NBEA: variants seen among roughly 807,000 people sequenced by gnomAD.
The protein encoded by NBEA is lysosomal-trafficking regulator 2.
A neutral mutation model predicts 343.4 loss-of-function variants in NBEA; 44 were observed. The ratio of observed to expected loss-of-function variants is 0.13; its 90% CI spans 0.10 to 0.16. The LOEUF is 0.16. Among genes scored for constraint, NBEA ranks in the 10% least tolerant of loss-of-function variants. The pLI is 1.00. For synonymous variants in NBEA, 1,175 were observed against 1,238.7 expected (o/e 0.95, Z 1.08); for missense variants, 2,555 against 3,631.3 (o/e 0.70, Z 7.62).
At chr13:35,488,905 A>G (rs1409730740) in intron 41 of NBEA, among the ~76,000 whole-genome samples, 1 of 151,882 alleles carries the variant, frequency 6.6e-6, no homozygotes, top group Non-Finnish European at 1.5e-5. Flanking sequence ...GAATTCTCAA[A>G]ACACATTTGA....
At chr13:35,573,484 GTGTT>G (rs1330674275) in intron 45 of NBEA, among the ~76,000 whole-genome samples, 1 of 152,170 alleles carries the variant, frequency 6.6e-6, no homozygotes, top group Non-Finnish European at 1.5e-5. Context: ...AAGTGTTTTT[GTGTT>G]TGTTTGTTTA....
At chr13:35,029,411 A>G (rs1056886332) in intron 1 of NBEA, among the ~76,000 whole-genome samples, 6 of 151,568 alleles carry the variant, frequency 4.0e-5, no homozygotes, top group Non-Finnish European at 8.9e-5. Context: ...GGAACCCTGT[A>G]TCATGCATAG....
chr13:35,409,698 G>A (rs2043474557), intron 38 of NBEA, among the ~76,000 whole-genome samples: 2 of 152,044 alleles, frequency 1.3e-5, no homozygotes, highest in South Asian at 4.1e-4. Flanking sequence ...GTGATGCCAA[G>A]AAGTAAAATA....
intron 46 of NBEA, among the ~76,000 whole-genome samples, chr13:35,590,686 A>G (rs534814078): frequency 9.2e-5 from 14 of 152,094 alleles, no homozygotes; most frequent in Non-Finnish European, 1.9e-4. Context: ...TAATAGGTTA[A>G]AAAACCTAGA....
intron 17 of NBEA, among the ~76,000 whole-genome samples, chr13:35,124,809 T>C (rs1480199483): frequency 4.0e-5 from 6 of 151,086 alleles, no homozygotes; most frequent in East Asian, 1.9e-4. Flanking sequence ...TGGATATATA[T>C]ACACACACAT....
Position 34,942,395 on chromosome 13 carries a change from T to G in NBEA, c.-426T>G, listed in dbSNP as rs909703550. The G allele has an allele frequency of 2.6e-5, 4 of 154,538 alleles. No individual in the cohort carries two copies. Among genetic ancestry groups the G allele is most frequent in the Non-Finnish European group, 4.3e-5 (3 of 69,148 alleles). The allele number at this position is 154,538 out of a possible 1,614,324, so 9.6% of individuals were successfully genotyped here. ...AGCGTCAATAGCATCGGCCACAGCC[T>G]GAGCTTCAGCACCGGCCAGCGTCGT... On this transcript the variant is annotated 5_prime_UTR_variant, in exon 1 of 59. Transcript: ENST00000379939.
At chr13:35,212,182 T>C (rs1435987307) in intron 33 of NBEA, among the ~76,000 whole-genome samples, 1 of 152,196 alleles carries the variant, frequency 6.6e-6, no homozygotes, top group African/African-American at 2.4e-5. Flanking sequence ...GTTCTTGCTT[T>C]TCTTCCAATT....
At chr13:35,589,719 T>A (rs1399402212) in intron 46 of NBEA, among the ~76,000 whole-genome samples, 1 of 152,096 alleles carries the variant, frequency 6.6e-6, no homozygotes, top group African/African-American at 2.4e-5. Context: ...AGTTGATCTG[T>A]AATCATCCAA....
chr13:35,053,884 T>C (rs1234379462), intron 6 of NBEA, among the ~76,000 whole-genome samples: 1 of 152,114 alleles, frequency 6.6e-6, no homozygotes, highest in Non-Finnish European at 1.5e-5. Flanking sequence ...ATTATTCCCC[T>C]TTTTCAGAGA....
chr13:35,010,726 C>CAA (rs769896169), intron 1 of NBEA, among the ~76,000 whole-genome samples: 133 of 9,690 alleles, frequency 0.014, 11 homozygotes, highest in South Asian at 0.022. Context: ...TGGGTCTCTA[C>CAA]AAAAAAAAAA....
intron 38 of NBEA, among the ~76,000 whole-genome samples, chr13:35,376,657 G>A (rs1376403129): frequency 6.6e-6 from 1 of 152,144 alleles, no homozygotes; most frequent in East Asian, 1.9e-4. Context: ...CGGAGTCTTA[G>A]GGTGAAACTG....
At chr13:34,947,822 CA>C (rs2059232637) in intron 1 of NBEA, among the ~76,000 whole-genome samples, 1 of 152,138 alleles carries the variant, frequency 6.6e-6, no homozygotes, top group Non-Finnish European at 1.5e-5. Context: ...GAAATAAACT[CA>C]TATATAAAGT....
chr13:34,983,471 C>T (rs1461750707), intron 1 of NBEA, among the ~76,000 whole-genome samples: 1 of 152,064 alleles, frequency 6.6e-6, no homozygotes, highest in Non-Finnish European at 1.5e-5. Context: ...GTGAATAGTG[C>T]CACAATAAAC....
chr13:34,962,528 T>C (rs915200418), intron 1 of NBEA, among the ~76,000 whole-genome samples: 6 of 152,072 alleles, frequency 3.9e-5, no homozygotes, highest in African/African-American at 1.4e-4. Context: ...AGCAAATACT[T>C]TGAAAGGAAA....
Position 35,196,403 on chromosome 13 carries a change from G to A in NBEA, c.5366+101G>A, listed in dbSNP as rs911381652. 6.1e-5 allele frequency: 68 copies of A among 1,115,808 alleles called. No individual in the cohort carries two copies. The Middle Eastern group carries it at 1.1e-3, about 18-fold the overall frequency. 69.1% of individuals were successfully genotyped at this position (1,115,808 alleles called of 1,614,324 possible). On this transcript the variant is annotated intron_variant, in intron 31 of 58. Transcript: ENST00000379939. ...GGAAGATCTTGAAAACTTTATTAACGTAGATTCTTATTACAAAGACAATCA... is the reference window on the plus strand; with the variant it reads ...GGAAGATCTTGAAAACTTTATTAACATAGATTCTTATTACAAAGACAATCA...
intron 40 of NBEA, among the ~76,000 whole-genome samples, chr13:35,463,757 G>A (rs1223418205): frequency 1.3e-5 from 2 of 152,124 alleles, no homozygotes; most frequent in Non-Finnish European, 2.9e-5. Context: ...GGAGAGAATA[G>A]GAGTGAGGAA....
chr13:35,611,022 A>T (rs1176029148), intron 48 of NBEA, among the ~76,000 whole-genome samples: 1 of 147,366 alleles, frequency 6.8e-6, no homozygotes, highest in Non-Finnish European at 1.5e-5. Flanking sequence ...ACACATTAGA[A>T]TGACTTTAAA....
intron 33 of NBEA, among the ~76,000 whole-genome samples, chr13:35,214,372 A>G (rs1272486498): frequency 1.3e-5 from 2 of 151,840 alleles, no homozygotes; most frequent in African/African-American, 2.4e-5. Context: ...AGCAATGTGT[A>G]GTTCTATTTT....
chr13:35,131,039 T>G (rs2067395068), intron 17 of NBEA, among the ~76,000 whole-genome samples: 1 of 152,112 alleles, frequency 6.6e-6, no homozygotes, highest in African/African-American at 2.4e-5. Context: ...ACTTAGGTTT[T>G]CATTTTTCTA....
Sources: allele counts gnomAD v4.1 joint callset (sites outside exome capture counted in the v4.1 genomes callset), GRCh38; gene constraint gnomAD v4.1.1; transcripts MANE v1.5; gene names NCBI Gene and HGNC (gene_info 2026-07-23, HGNC 2026-07-21).